SLC8A1: variants seen among roughly 807,000 people sequenced by gnomAD.
The protein encoded by SLC8A1 is sodium/calcium exchanger 1.
Under a neutral mutation model 68.3 loss-of-function variants are expected in SLC8A1, and 18 were observed. The ratio of observed to expected loss-of-function variants is 0.26; its 90% confidence interval spans 0.18 to 0.39. The LOEUF (loss-of-function observed/expected upper bound fraction) is 0.39, where lower values mean the gene tolerates loss of function less well. Among genes scored for constraint, SLC8A1 ranks in the 10% least tolerant of loss-of-function variants. The probability of loss-of-function intolerance (pLI) is 1.00; values close to 1 mark genes in which losing one functional copy is unlikely to be tolerated. For missense variants in SLC8A1, 985 were observed against 1,156.7 expected (o/e 0.85, Z 2.15); for synonymous variants, 475 against 415.5 (o/e 1.14, Z -1.74).
intron 1 of SLC8A1, among the ~76,000 whole-genome samples, chr2:40,495,921 A>T (rs1178297074): frequency 6.6e-6 from 1 of 152,080 alleles, no homozygotes; most frequent in African/African-American, 2.4e-5. Context: ...GATGCCAGAA[A>T]TTATGTGATT....
chr2:40,211,903 A>G (rs1255550854), intron 2 of SLC8A1, among the ~76,000 whole-genome samples: 1 of 152,244 alleles, frequency 6.6e-6, no homozygotes, highest in Non-Finnish European at 1.5e-5. Context: ...CACTAAAAAC[A>G]TAAAAGATGA....
chr2:40,503,111 T>A (rs983666322), intron 1 of SLC8A1, among the ~76,000 whole-genome samples: 6 of 152,020 alleles, frequency 3.9e-5, no homozygotes, highest in African/African-American at 1.4e-4. Context: ...CATAATCACA[T>A]GTTTCTGTAG....
chr2:40,491,991 T>C (rs1436738997), intron 1 of SLC8A1, among the ~76,000 whole-genome samples: 8 of 152,086 alleles, frequency 5.3e-5, no homozygotes, highest in Non-Finnish European at 7.4e-5. Context: ...TGGAAAAAAC[T>C]ACTTTAAAGT....
intron 1 of SLC8A1, among the ~76,000 whole-genome samples, chr2:40,483,125 AT>A (rs1409246788): frequency 1.3e-5 from 2 of 151,842 alleles, no homozygotes; most frequent in Non-Finnish European, 2.9e-5. Flanking sequence ...CTCTTAATGA[AT>A]GAACTAAAGT....
chr2:40,213,484 A>C (rs1281503995), intron 2 of SLC8A1: 1 of 152,208 alleles, frequency 6.6e-6, no homozygotes, highest in African/African-American at 2.4e-5. Context: ...CGGCAGGTGA[A>C]TGTCATGTGT....
At chr2:40,487,748 T>G (rs1341940425) in intron 1 of SLC8A1, among the ~76,000 whole-genome samples, 2 of 152,134 alleles carry the variant, frequency 1.3e-5, no homozygotes, top group Non-Finnish European at 2.9e-5. Flanking sequence ...AGAAGCCCAT[T>G]GCGGAACCTG....
exon 8 of SLC8A1, chr2:40,107,538 A>T (rs1017030526): frequency 1.1e-4 from 17 of 152,184 alleles, no homozygotes; most frequent in African/African-American, 3.6e-4. Context: ...AAAGAAAAAT[A>T]AATGTATTTT....
intron 3 of SLC8A1, among the ~76,000 whole-genome samples, 158 bp from the exon 5 acceptor site, chr2:40,175,000 G>A (rs944939987): frequency 4.6e-5 from 7 of 151,960 alleles, no homozygotes; most frequent in African/African-American, 9.7e-5. Flanking sequence ...ATCACTAATC[G>A]TTCTTTTAAG....
chr2:40,322,528 T>C (rs62150816), intron 2 of SLC8A1, among the ~76,000 whole-genome samples: 10 of 140,734 alleles, frequency 7.1e-5, no homozygotes, highest in Non-Finnish European at 1.5e-4. Context: ...AAAAAAAAAT[T>C]AGATGGGCAT....
intron 2 of SLC8A1, among the ~76,000 whole-genome samples, chr2:40,326,303 C>T (rs900503366): frequency 6.6e-6 from 1 of 152,076 alleles, no homozygotes; most frequent in South Asian, 2.1e-4. Context: ...ACTTTTGGTA[C>T]AGTGCACTAT....
chr2:40,204,962 A>G (rs903217887), intron 2 of SLC8A1, among the ~76,000 whole-genome samples: 6 of 152,000 alleles, frequency 3.9e-5, no homozygotes, highest in Non-Finnish European at 5.9e-5. Flanking sequence ...GTGCCATTCC[A>G]TCTTCTTTCC....
chr2:40,390,473 C>T (rs947333218), intron 2 of SLC8A1, among the ~76,000 whole-genome samples: 1 of 152,056 alleles, frequency 6.6e-6, no homozygotes, highest in African/African-American at 2.4e-5. Context: ...AGTCCCTGGA[C>T]CACCAATTTC....
chr2:40,481,745 C>T (rs545054803), intron 1 of SLC8A1, among the ~76,000 whole-genome samples: 1 of 152,252 alleles, frequency 6.6e-6, no homozygotes, highest in East Asian at 1.9e-4. Flanking sequence ...GCTGTTTTTA[C>T]ATGCTGAAAA....
chr2:40,381,230 G>A (rs931727766), intron 2 of SLC8A1, among the ~76,000 whole-genome samples: 2 of 151,940 alleles, frequency 1.3e-5, no homozygotes, highest in South Asian at 4.1e-4. Context: ...CATGATGAAT[G>A]CTGAACTGTC....
chr2:40,388,938 A>G (rs1684439106), intron 2 of SLC8A1, among the ~76,000 whole-genome samples: 1 of 152,194 alleles, frequency 6.6e-6, no homozygotes, highest in Non-Finnish European at 1.5e-5. Flanking sequence ...AATCTAGGGA[A>G]CAAAGGATAA....
chr2:40,489,722 A>T (rs968266379), intron 1 of SLC8A1, among the ~76,000 whole-genome samples: 1 of 152,066 alleles, frequency 6.6e-6, no homozygotes, highest in Non-Finnish European at 1.5e-5. Context: ...TTGGTACTTA[A>T]CCTTGAGGCT....
At chr2:40,287,019 A>G (rs374925207) in intron 2 of SLC8A1, among the ~76,000 whole-genome samples, 17 of 152,212 alleles carry the variant, frequency 1.1e-4, no homozygotes, top group African/African-American at 3.1e-4. Flanking sequence ...AGTAATATCC[A>G]CCCTCTTTCA....
intron 2 of SLC8A1, among the ~76,000 whole-genome samples, chr2:40,358,020 G>C (rs1673278489): frequency 7.7e-6 from 1 of 129,174 alleles, no homozygotes; most frequent in African/African-American, 2.9e-5. Flanking sequence ...GTTGCTCAGT[G>C]AATGCCAAAC....
intron 2 of SLC8A1, among the ~76,000 whole-genome samples, chr2:40,287,582 ATGTG>A (rs10522914): frequency 0.031 from 3,986 of 127,508 alleles, 159 homozygotes; most frequent in Admixed American, 0.085. Flanking sequence ...CAGAGGAATG[ATGTG>A]TGTGTGTGTG....
Sources: allele counts gnomAD v4.1 joint callset (sites outside exome capture counted in the v4.1 genomes callset), GRCh38; gene constraint gnomAD v4.1.1; transcripts MANE v1.5; gene names NCBI Gene and HGNC (gene_info 2026-07-23, HGNC 2026-07-21).